TAFA1: variants seen among roughly 807,000 people sequenced by gnomAD.
The protein encoded by TAFA1 is chemokine-like protein TAFA-1.
A neutral mutation model predicts 18.5 loss-of-function variants in TAFA1; 4 were observed. The ratio of observed to expected loss-of-function variants is 0.22; its 90% CI spans 0.11 to 0.49. The LOEUF is 0.49. Among genes scored for constraint, TAFA1 ranks in the 20% least tolerant of loss-of-function variants. The pLI, the probability that TAFA1 is intolerant of heterozygous loss-of-function variation, is 0.98. For synonymous variants in TAFA1, 56 were observed against 55.2 expected, an observed-to-expected ratio of 1.01 and a Z score of -0.06; for missense variants, 147 against 169.0, an observed-to-expected ratio of 0.87 and a Z score of 0.72.
intron 3 of TAFA1, among the ~76,000 whole-genome samples, chr3:68,483,483 A>T (rs968961667): frequency 1.3e-5 from 2 of 152,184 alleles, no homozygotes; most frequent in African/African-American, 4.8e-5. Context: ...TCTGATTAAG[A>T]AGTTATATTT....
intron 2 of TAFA1, among the ~76,000 whole-genome samples, chr3:68,301,657 T>C (rs974822680): frequency 5.3e-5 from 8 of 151,974 alleles, no homozygotes. Context: ...TTTTTTTAAG[T>C]CAAACAGAAG....
At chr3:68,404,516 A>C (rs1311129835) in intron 2 of TAFA1, among the ~76,000 whole-genome samples, 2 of 152,116 alleles carry the variant, frequency 1.3e-5, no homozygotes, top group Admixed American at 1.3e-4. Flanking sequence ...AAAAAGAGAA[A>C]GGGCTGGGTG....
At chr3:68,470,976 G>C (rs2071985932) in intron 3 of TAFA1, among the ~76,000 whole-genome samples, 2 of 152,162 alleles carry the variant, frequency 1.3e-5, no homozygotes, top group Admixed American at 1.3e-4. Context: ...TCCTGGCGTG[G>C]ATCCAGGGTT....
intron 2 of TAFA1, among the ~76,000 whole-genome samples, chr3:68,417,040 C>T (rs1323964337): frequency 5.3e-5 from 8 of 152,160 alleles, no homozygotes; most frequent in Admixed American, 4.6e-4. Flanking sequence ...TCAATACCTA[C>T]AGGCCAGAAT....
intron 2 of TAFA1, among the ~76,000 whole-genome samples, chr3:68,114,166 T>G (rs780422750): frequency 6.6e-6 from 1 of 151,978 alleles, no homozygotes; most frequent in African/African-American, 2.4e-5. Flanking sequence ...GGATCCCAGA[T>G]AGCCTACAGG....
intron 2 of TAFA1, among the ~76,000 whole-genome samples, chr3:68,399,546 G>C (rs2070447772): frequency 1.3e-5 from 2 of 151,958 alleles, no homozygotes. Flanking sequence ...TTTCCCAATT[G>C]CTCTCAGTAA....
intron 2 of TAFA1, among the ~76,000 whole-genome samples, chr3:68,199,368 T>G (rs1159627285): frequency 6.6e-6 from 1 of 151,542 alleles, no homozygotes; most frequent in Non-Finnish European, 1.5e-5. Context: ...CATATAAGCT[T>G]CAGAATCAAT....
chr3:68,305,598 A>G (rs1277661552), intron 2 of TAFA1, among the ~76,000 whole-genome samples: 2 of 151,508 alleles, frequency 1.3e-5, no homozygotes, highest in Admixed American at 6.6e-5. Context: ...TCTGGGAATT[A>G]TAGGGATACA....
upstream of TAFA1, among the ~76,000 whole-genome samples, chr3:67,999,405 G>C (rs1485601173): frequency 6.6e-6 from 1 of 151,960 alleles, no homozygotes; most frequent in Non-Finnish European, 1.5e-5. Context: ...AATTTACCAC[G>C]TTCCCTTGAG....
chr3:68,064,992 T>C (rs1575597958), intron 2 of TAFA1, among the ~76,000 whole-genome samples: 2 of 152,078 alleles, frequency 1.3e-5, no homozygotes, highest in Non-Finnish European at 2.9e-5. Context: ...TATGGGTTCA[T>C]GAGTAAAGGT....
intron 2 of TAFA1, among the ~76,000 whole-genome samples, chr3:68,185,476 A>G (rs1421474501): frequency 6.6e-6 from 1 of 152,158 alleles, no homozygotes; most frequent in African/African-American, 2.4e-5. Context: ...ACCAGAGTAC[A>G]GCTTGTACTG....
In TAFA1 at chr3:68,042,592, T is replaced by A. The variant is rs891142412; in HGVS notation, c.118+35848T>A. Among the ~76,000 whole-genome samples, 3 of 152,324 alleles carry A rather than the reference T, an allele frequency of 2.0e-5. No individual in the cohort carries two copies. The South Asian group carries it at 6.2e-4, about 32-fold the overall frequency. On this transcript the variant is annotated intron_variant, in intron 2 of 4. Coordinates refer to ENST00000478136, the MANE Select transcript of TAFA1 (RefSeq NM_213609.4). ...TGAACCTGGGAGGTGGAGGTTGCAG[T>A]GAGCCAAGGTTGTGCCATTGCAGTC...
At chr3:68,102,570 C>T (rs1002506124) in intron 2 of TAFA1, among the ~76,000 whole-genome samples, 45 of 152,236 alleles carry the variant, frequency 3.0e-4, no homozygotes, top group African/African-American at 9.6e-4. Context: ...GGGTGAGGCT[C>T]GGATCAGCAC....
intron 2 of TAFA1, among the ~76,000 whole-genome samples, chr3:68,285,727 T>C (rs2067987419): frequency 6.6e-6 from 1 of 152,144 alleles, no homozygotes; most frequent in Non-Finnish European, 1.5e-5. Flanking sequence ...GGTCCTGACT[T>C]TTTTTTAAAT....
At chr3:68,199,488 A>G (rs2066448785) in intron 2 of TAFA1, among the ~76,000 whole-genome samples, 1 of 151,508 alleles carries the variant, frequency 6.6e-6, no homozygotes, top group African/African-American at 2.4e-5. Context: ...CCTCTTTTCC[A>G]TGAATATGGA....
intron 2 of TAFA1, among the ~76,000 whole-genome samples, chr3:68,243,196 C>T (rs1479363384): frequency 6.6e-6 from 1 of 152,032 alleles, no homozygotes; most frequent in Non-Finnish European, 1.5e-5. Context: ...ACCAGGCTGT[C>T]TCATGTACTC....
At chr3:68,183,660 C>T (rs1473509725) in intron 2 of TAFA1, among the ~76,000 whole-genome samples, 1 of 152,142 alleles carries the variant, frequency 6.6e-6, no homozygotes, top group Non-Finnish European at 1.5e-5. Flanking sequence ...GTTCATGCAT[C>T]ACTTTTGAAT....
intron 2 of TAFA1, among the ~76,000 whole-genome samples, chr3:68,247,139 C>T (rs1265221869): frequency 6.6e-6 from 1 of 152,116 alleles, no homozygotes; most frequent in Non-Finnish European, 1.5e-5. Flanking sequence ...TCCTCCTTCC[C>T]TGGATCTTAA....
chr3:68,161,737 T>C (rs150180984), intron 2 of TAFA1, among the ~76,000 whole-genome samples: 29 of 152,334 alleles, frequency 1.9e-4, no homozygotes, highest in African/African-American at 6.7e-4. Flanking sequence ...TGTTATTATT[T>C]TGAGTTCATA....
Sources: allele counts gnomAD v4.1 joint callset (sites outside exome capture counted in the v4.1 genomes callset), GRCh38; gene constraint gnomAD v4.1.1; transcripts MANE v1.5; gene names NCBI Gene and HGNC (gene_info 2026-07-23, HGNC 2026-07-21).